DMD: variants seen among roughly 807,000 people sequenced by gnomAD.
DMD encodes the protein dystrophin.
DMD carries 63 observed loss-of-function variants against 330.1 expected under a neutral mutation model. The observed-to-expected ratio is 0.19, with a 90% CI of 0.16 to 0.24. DMD has a LOEUF of 0.24. DMD is among the 10% of genes least tolerant of loss of function. The pLI is 1.00. For missense variants in DMD, 3,344 were observed against 2,684.1 expected, an observed-to-expected ratio of 1.25 and a Z score of -5.43; for synonymous variants, 1,223 against 959.8, an observed-to-expected ratio of 1.27 and a Z score of -5.07.
At chrX:32,533,470 TTTAA>T (rs1486344707) in intron 17 of DMD, among the ~76,000 whole-genome samples, 1 of 111,787 alleles carries the variant, frequency 8.9e-6, no homozygotes, top group Non-Finnish European at 1.9e-5. Context: ...TTCCCTACTC[TTTAA>T]TTATCCAGTC....
At chrX:32,866,304 A>G (rs916919090) in intron 2 of DMD, among the ~76,000 whole-genome samples, 4 of 112,309 alleles carry the variant, frequency 3.6e-5, no homozygotes, top group African/African-American at 1.3e-4. Flanking sequence ...CCTGGCTAAC[A>G]TATGTATTTG....
chrX:32,681,696 T>G (rs931389312), intron 9 of DMD, among the ~76,000 whole-genome samples: 3 of 112,206 alleles, frequency 2.7e-5, no homozygotes, highest in Non-Finnish European at 3.8e-5. Flanking sequence ...ATCAATATGC[T>G]TTATGTACCT....
intron 37 of DMD, among the ~76,000 whole-genome samples, chrX:32,356,354 T>A: frequency 1.0e-5 from 1 of 97,890 alleles, no homozygotes; most frequent in African/African-American, 3.9e-5. Context: ...TGATTACTTT[T>A]ATATCTTCTG....
chrX:31,991,708 A>G (rs16990005), intron 44 of DMD, among the ~76,000 whole-genome samples: 19,543 of 105,973 alleles, frequency 0.18, 1,636 homozygotes, highest in East Asian at 0.37. Flanking sequence ...ATTTTGACAC[A>G]TGAGAGGAAT....
chrX:32,725,864 C>A (rs751337467), intron 7 of DMD, among the ~76,000 whole-genome samples: 2 of 110,779 alleles, frequency 1.8e-5, no homozygotes, highest in African/African-American at 6.5e-5. Flanking sequence ...AGGATAAATG[C>A]TTGAGTGGAT....
At chrX:32,670,428 G>A (rs2061562113) in intron 9 of DMD, among the ~76,000 whole-genome samples, 1 of 111,870 alleles carries the variant, frequency 8.9e-6, no homozygotes, top group Non-Finnish European at 1.9e-5. Flanking sequence ...AGGAATTCAA[G>A]ATGCCTAGGT....
intron 51 of DMD, among the ~76,000 whole-genome samples, chrX:31,744,942 G>C (rs1008330737): frequency 1.6e-4 from 18 of 112,113 alleles, no homozygotes; most frequent in Admixed American, 3.8e-4. Context: ...AATGCAGTTG[G>C]GGAGGTGACC....
intron 30 of DMD, among the ~76,000 whole-genome samples, chrX:32,406,776 G>C (rs941700722): frequency 3.6e-5 from 4 of 111,226 alleles, no homozygotes; most frequent in Non-Finnish European, 5.7e-5. Flanking sequence ...CCAAAACAGA[G>C]ATATAGATCA....
intron 44 of DMD, among the ~76,000 whole-genome samples, chrX:32,033,763 T>C (rs1182717815): frequency 9.0e-6 from 1 of 111,664 alleles, no homozygotes; most frequent in Non-Finnish European, 1.9e-5. Context: ...CATATCATTA[T>C]GATTGTATAA....
At chrX:32,279,673 T>TGGGGG (rs77151097) in intron 43 of DMD, among the ~76,000 whole-genome samples, 2 of 92,090 alleles carry the variant, frequency 2.2e-5, no homozygotes, top group Non-Finnish European at 2.2e-5. Context: ...TGAAGGGTAG[T>TGGGGG]GGGGGGGTTG....
rs201575000 is a variant in DMD, at chrX:31,863,354, C to CA, written c.7098+11833dup. 9.6e-3 allele frequency among the ~76,000 whole-genome samples: 1,065 copies of CA among 111,281 alleles called. 14 individuals are homozygous for CA. Among genetic ancestry groups the CA allele is most frequent in the Middle Eastern group, 0.037 (8 of 216 alleles). ...CAAGACTCCGTCTCAAACAAACAAA[C>CA]AAAAAAAAGATTTGACTGGATTTGT... On this transcript the variant is annotated intron_variant, in intron 48 of 78. Transcript: ENST00000357033.
intron 55 of DMD, among the ~76,000 whole-genome samples, chrX:31,530,356 G>A (rs2073640439): frequency 8.9e-6 from 1 of 111,944 alleles, no homozygotes; most frequent in African/African-American, 3.2e-5. Context: ...TCCTTTTGAA[G>A]AAAAGCAGAG....
chrX:32,646,405 C>T (rs1380189050), intron 9 of DMD, among the ~76,000 whole-genome samples: 1 of 111,427 alleles, frequency 9.0e-6, no homozygotes, highest in African/African-American at 3.3e-5. Context: ...ATACTATTTA[C>T]GGAGGTGAGC....
At chrX:31,713,867 A>G (rs1325085518) in intron 52 of DMD, among the ~76,000 whole-genome samples, 1 of 111,899 alleles carries the variant, frequency 8.9e-6, no homozygotes, top group African/African-American at 3.2e-5. Flanking sequence ...AGTATTTTAA[A>G]CTTATATTTT....
At chrX:32,287,847 G>A (rs1211574610) in intron 42 of DMD, 146 bp from the exon 43 acceptor site, 1 of 409,922 alleles carries the variant, frequency 2.4e-6, no homozygotes, top group Non-Finnish European at 3.9e-6. Flanking sequence ...TAACCATGAA[G>A]TCCAGTGACT....
At chrX:33,099,679 A>G (rs1472818604) in intron 1 of DMD, among the ~76,000 whole-genome samples, 3 of 112,218 alleles carry the variant, frequency 2.7e-5, no homozygotes, top group African/African-American at 9.7e-5. Context: ...TATCTCTAGA[A>G]TAGTTCTCAT....
At chrX:31,986,412 GTTTGT>G (rs1023752994) in intron 44 of DMD, among the ~76,000 whole-genome samples, 1 of 110,396 alleles carries the variant, frequency 9.1e-6, no homozygotes, top group African/African-American at 3.3e-5. Flanking sequence ...TTTTTTGTTT[GTTTGT>G]TTTGTTTTTT....
At chrX:32,012,094 G>A (rs1483389692) in intron 44 of DMD, among the ~76,000 whole-genome samples, 1 of 111,915 alleles carries the variant, frequency 8.9e-6, no homozygotes, top group Admixed American at 9.5e-5. Flanking sequence ...CAATGTGATG[G>A]CCATTGCCTT....
intron 50 of DMD, among the ~76,000 whole-genome samples, chrX:31,777,870 GCTC>G (rs764766211): frequency 3.6e-5 from 4 of 111,481 alleles, no homozygotes; most frequent in Non-Finnish European, 7.5e-5. Flanking sequence ...ATGGTTATTG[GCTC>G]CTCATGTTCT....
Sources: gnomAD v4.1 joint callset for allele counts (sites outside exome capture counted in the v4.1 genomes callset) on GRCh38, gnomAD v4.1.1 for gene constraint, MANE v1.5 for transcripts, NCBI Gene and HGNC (gene_info 2026-07-23, HGNC 2026-07-21) for gene names.